The following HPSE variants were observed in gnomAD, a reference collection of about 807,000 sequenced individuals.
HPSE encodes the protein endo-glucoronidase.
HPSE carries 48 observed loss-of-function variants against 65.1 expected under a neutral mutation model. The ratio of observed to expected loss-of-function variants is 0.74; its 90% CI spans 0.58 to 0.94. The LOEUF is 0.94. HPSE is among the 40% of genes least tolerant of loss of function. The probability of loss-of-function intolerance (pLI) is 0.00; values close to 1 mark genes in which losing one functional copy is unlikely to be tolerated. For synonymous variants in HPSE, 243 were observed against 260.0 expected (o/e 0.93, Z 0.63); for missense variants, 644 against 637.5 (o/e 1.01, Z -0.11).
At chr4:83,327,697 A>G (rs1737206422) in intron 1 of HPSE, among the ~76,000 whole-genome samples, 1 of 152,236 alleles carries the variant, frequency 6.6e-6, no homozygotes, top group Non-Finnish European at 1.5e-5. Flanking sequence ...AGTTGGCTGT[A>G]CCACGTTGTT....
In HPSE at chr4:83,313,191, C is replaced by A. The variant is rs1414468983; in HGVS notation, c.596G>T (p.Trp199Leu). The A allele has an allele frequency of 6.2e-7, 1 of 1,613,746 alleles. No individual in the cohort carries two copies. The highest frequency in any genetic ancestry group is 8.5e-7 in the Non-Finnish European group (1 of 1,179,710). ...NALLRTADLQ[W>L]NSSNAQLLLD... ...GAGCAACTGAGCATTAGAACTGTTCCACTGCAAATCTGCTGTTCTTAATAA... is the reference window on the plus strand; with the variant it reads ...GAGCAACTGAGCATTAGAACTGTTCAACTGCAAATCTGCTGTTCTTAATAA... The change falls in exon 4 of 12, where the codon TGG (tryptophan) becomes TTG (leucine). Residue 199 changes from tryptophan (W) to leucine (L), a missense_variant. Coordinates refer to ENST00000311412, the MANE Select transcript of HPSE (RefSeq NM_001098540.3).
At chr4:83,312,657 G>A (rs533166387) in intron 4 of HPSE, among the ~76,000 whole-genome samples, 81 of 121,222 alleles carry the variant, frequency 6.7e-4, no homozygotes, top group East Asian at 1.3e-3. Flanking sequence ...CAGCCTGGGC[G>A]ACAGAGCGAG....
chr4:83,295,516 A>G lies in HPSE; in HGVS notation c.1473-13T>C. 1 of 1,557,098 alleles carries G rather than the reference A, an allele frequency of 6.4e-7. No individual in the cohort carries two copies. The highest frequency in any genetic ancestry group is 1.8e-5 in the Admixed American group (1 of 55,204). ...GAGTTGGACAGATCTGCAAAGGAGAAAGATACACCGAGTTAACCAAGTGGT... is the reference window on the plus strand; with the variant it reads ...GAGTTGGACAGATCTGCAAAGGAGAGAGATACACCGAGTTAACCAAGTGGT... On this transcript the variant is annotated splice_polypyrimidine_tract_variant and intron_variant, in intron 11 of 11. Transcript: ENST00000311412.
chr4:83,319,172 CA>C (rs201446774), intron 3 of HPSE, among the ~76,000 whole-genome samples, 171 bp downstream of exon 3: 1 of 128,666 alleles, frequency 7.8e-6, no homozygotes, highest in African/African-American at 2.8e-5. Context: ...AAAAAACAAA[CA>C]AAAAAAAAAC....
rs1209075393 is a variant in HPSE, at chr4:83,308,857, G to A, written c.1079C>T (p.Ala360Val). 5.0e-6 allele frequency: 8 copies of A among 1,613,472 alleles called. No individual in the cohort carries two copies. The highest frequency in any genetic ancestry group is 6.8e-6 in the Non-Finnish European group (8 of 1,179,666). ...CTGCTTCACTCACATAAAGCCAGCT[G>A]CAAAGGTGTCGGATAGCAAGGGCGC... Reference protein sequence around the residue: ...GGAPLLSDTFAAGFMWLDKLG... With the variant: ...GGAPLLSDTFVAGFMWLDKLG... Residue 360 changes from alanine to valine, a missense_variant, in exon 8 of 12, where the codon GCA becomes GTA. By Grantham distance (64) the Ala-to-Val change is moderately conservative (BLOSUM62 0). Coordinates refer to ENST00000311412, the MANE Select transcript of HPSE (RefSeq NM_001098540.3).
At chr4:83,319,947 G>T (rs560915154) in intron 2 of HPSE, among the ~76,000 whole-genome samples, 5 of 149,650 alleles carry the variant, frequency 3.3e-5, no homozygotes, top group Non-Finnish European at 5.9e-5. Flanking sequence ...TTCAACCCAC[G>T]AGGCGGAGGT....
In HPSE at chr4:83,302,665, G is replaced by T. The variant is rs139195039; in HGVS notation, c.1207-397C>A. On this transcript the variant is annotated intron_variant, in intron 9 of 11. Transcript: ENST00000311412. ...GACAAATTTTTAAAGTAAAACTTCT[G>T]TCTGTTTAGAGACAAATAATTTCAT... Among the ~76,000 whole-genome samples, 5 of 152,280 alleles carry T rather than the reference G, an allele frequency of 3.3e-5. No homozygotes were observed. The East Asian group carries it at 9.6e-4, about 29-fold the overall frequency.
At chr4:83,297,139 G>C (rs1197666206) in intron 11 of HPSE, among the ~76,000 whole-genome samples, 1 of 152,146 alleles carries the variant, frequency 6.6e-6, no homozygotes, top group African/African-American at 2.4e-5. Context: ...TTAAGTATTT[G>C]TATATTCGCT....
chr4:83,319,556 T>G, intron 2 of HPSE, 87 bp from the exon 3 acceptor site: 1 of 1,347,462 alleles, frequency 7.4e-7, no homozygotes, highest in Non-Finnish European at 1.0e-6. Flanking sequence ...GCTATTTATG[T>G]GACTAAAGCA....
At chr4:83,301,841 G>T (rs1735959732) in intron 10 of HPSE, among the ~76,000 whole-genome samples, 1 of 152,078 alleles carries the variant, frequency 6.6e-6, no homozygotes, top group Admixed American at 6.5e-5. Context: ...AAATAATATT[G>T]TTGTTATTAT....
chr4:83,327,127 A>T (rs1050164836), intron 1 of HPSE, among the ~76,000 whole-genome samples: 2 of 152,182 alleles, frequency 1.3e-5, no homozygotes, highest in Non-Finnish European at 2.9e-5. Context: ...TGACTGACTT[A>T]TCAGAATCTA....
rs1295735678 is a variant in HPSE, at chr4:83,293,260, A to G, written c.*2084T>C. ...TTTCTGAACAATAAGACATGAGGAG[A>G]CATGAGGAGAGGTTTGCTGTGAGAA... On this transcript the variant is annotated 3_prime_UTR_variant, in exon 12 of 12. Transcript: ENST00000311412. 1 of 152,166 alleles carries G rather than the reference A, an allele frequency of 6.6e-6. No homozygotes were observed. Among genetic ancestry groups the G allele is most frequent in the Non-Finnish European group, 1.5e-5 (1 of 68,034 alleles). The allele number at this position is 152,166 out of a possible 1,614,324, so 9.4% of individuals were successfully genotyped here.
intron 11 of HPSE, among the ~76,000 whole-genome samples, chr4:83,298,326 G>A (rs1017634924): frequency 1.3e-5 from 2 of 152,092 alleles, no homozygotes; most frequent in Non-Finnish European, 2.9e-5. Context: ...TATAAAATAC[G>A]GCCTTTATGT....
intron 8 of HPSE, among the ~76,000 whole-genome samples, chr4:83,307,215 T>C (rs1418170638): frequency 1.3e-5 from 2 of 152,232 alleles, no homozygotes; most frequent in African/African-American, 4.8e-5. Context: ...CTTTCTCCTT[T>C]GCAATTCCCC....
At chr4:83,304,988 C>T (rs563021260) in intron 9 of HPSE, among the ~76,000 whole-genome samples, 1 of 152,234 alleles carries the variant, frequency 6.6e-6, no homozygotes, top group African/African-American at 2.4e-5. Flanking sequence ...AAAAATGGAT[C>T]CAAGATACCT....
chr4:83,322,961 C>T (rs1736983444), intron 1 of HPSE, among the ~76,000 whole-genome samples: 2 of 152,022 alleles, frequency 1.3e-5, no homozygotes, highest in Admixed American at 1.3e-4. Flanking sequence ...CCACTGTACC[C>T]AGCCAGGAGC....
Position 83,310,065 on chromosome 4 carries a change from C to A in HPSE, c.856G>T (p.Gly286Cys). 1.2e-6 allele frequency: 2 copies of A among 1,610,630 alleles called. No individual in the cohort carries two copies. The highest frequency in any genetic ancestry group is 1.7e-6 in the Non-Finnish European group (2 of 1,177,622). The change falls in exon 6 of 12, where the codon GGT becomes TGT. Residue 286 changes from glycine to cysteine, a missense_variant. Coordinates refer to ENST00000311412, the MANE Select transcript of HPSE (RefSeq NM_001098540.3). ...GTAACTGAATCAATCACTTCTCCAC[C>A]AGCCTTCAGGAAGCTAGAAAAAAAA... The part of the protein sequence containing the change: ...AKMLKSFLKA[G>C]GEVIDSVTWH...
chr4:83,309,058 C>A, intron 7 of HPSE, 107 bp from the exon 8 acceptor site: 1 of 775,248 alleles, frequency 1.3e-6, no homozygotes, highest in Admixed American at 2.4e-5. Flanking sequence ...CCTAGACCCA[C>A]CCCTCCTATA....
chr4:83,334,441 C>T (rs1737529352), intron 1 of HPSE, 115 bp downstream of exon 1: 7 of 1,188,256 alleles, frequency 5.9e-6, no homozygotes, highest in Non-Finnish European at 3.5e-6. Context: ...GAGAGACAGG[C>T]GGGGAGGTTC....
Sources: gnomAD v4.1 joint callset for allele counts (sites outside exome capture counted in the v4.1 genomes callset) on GRCh38, gnomAD v4.1.1 for gene constraint, MANE v1.5 for transcripts, NCBI Gene and HGNC (gene_info 2026-07-23, HGNC 2026-07-21) for gene names.